Variants in ZNF536 observed in about 807,000 individuals in gnomAD.
ZNF536 encodes zinc finger protein 536.
Under a neutral mutation model 84.5 loss-of-function variants are expected in ZNF536, and 13 were observed. That is an observed-to-expected ratio of 0.15 (90% CI 0.10 to 0.24). ZNF536 has a LOEUF of 0.24. Ranked by LOEUF, ZNF536 falls within the 10% of genes least tolerant of loss-of-function variation. The probability of loss-of-function intolerance (pLI) is 1.00; values close to 1 mark genes in which losing one functional copy is unlikely to be tolerated. For missense variants in ZNF536, 1,536 were observed against 1,747.5 expected, an observed-to-expected ratio of 0.88 and a Z score of 2.16; for synonymous variants, 811 against 742.5, an observed-to-expected ratio of 1.09 and a Z score of -1.50.
intron 1 of ZNF536, among the ~76,000 whole-genome samples, chr19:30,654,516 G>A (rs189246542): frequency 3.3e-5 from 5 of 152,112 alleles, no homozygotes; most frequent in African/African-American, 7.2e-5. Context: ...TTCCTAAAGC[G>A]AAAGAACTGT....
At chr19:30,381,272 C>T (rs1324527035) in intron 1 of ZNF536, among the ~76,000 whole-genome samples, 2 of 152,216 alleles carry the variant, frequency 1.3e-5, no homozygotes, top group Non-Finnish European at 2.9e-5. Flanking sequence ...TCCTATGTGC[C>T]AGGCACTGTG....
chr19:30,575,231 C>A (rs62103416), intron 1 of ZNF536, among the ~76,000 whole-genome samples: 2,159 of 152,344 alleles, frequency 0.014, 24 homozygotes, highest in Middle Eastern at 0.024. Context: ...TGCACAAAAA[C>A]AGCCAGAAGC....
chr19:30,575,978 G>A (rs1025831597), intron 1 of ZNF536, among the ~76,000 whole-genome samples: 4 of 152,160 alleles, frequency 2.6e-5, no homozygotes, highest in Admixed American at 2.0e-4. Flanking sequence ...TGGGGTGTGC[G>A]CCCCATGCAG....
chr19:30,428,055 G>C (rs2051290752), intron 1 of ZNF536, among the ~76,000 whole-genome samples: 1 of 152,172 alleles, frequency 6.6e-6, no homozygotes, highest in Admixed American at 6.5e-5. Flanking sequence ...GTTTCTAATG[G>C]GGGTGTTTGA....
chr19:30,706,711 G>A (rs545260801), intron 1 of ZNF536, among the ~76,000 whole-genome samples: 4 of 152,110 alleles, frequency 2.6e-5, no homozygotes, highest in South Asian at 2.1e-4. Context: ...TTCTTTACTC[G>A]AAAGACTTGT....
chr19:30,683,158 A>T (rs1568667691), intron 1 of ZNF536, among the ~76,000 whole-genome samples: 2 of 151,588 alleles, frequency 1.3e-5, no homozygotes, highest in African/African-American at 2.4e-5. Context: ...GCGAAAGACC[A>T]CCTTTATGGC....
chr19:30,495,320 A>C (rs1429134655), intron 2 of ZNF536, among the ~76,000 whole-genome samples: 1 of 152,216 alleles, frequency 6.6e-6, no homozygotes, highest in Non-Finnish European at 1.5e-5. Context: ...GAAGAAAAGG[A>C]AGTCTTGTGT....
At chr19:30,226,818 G>C (rs1470488875), upstream of ZNF536, among the ~76,000 whole-genome samples, 1 of 152,056 alleles carries the variant, frequency 6.6e-6, no homozygotes, top group Non-Finnish European at 1.5e-5. This position sits in a 1 kb window ranked among gnomAD's most constrained non-coding sequence, Gnocchi z 4.6. Flanking sequence ...CGCGGCGTCT[G>C]GGAAGAGTGC....
At chr19:30,270,659 A>G (rs555345456) in intron 1 of ZNF536, among the ~76,000 whole-genome samples, 1 of 152,222 alleles carries the variant, frequency 6.6e-6, no homozygotes, top group African/African-American at 2.4e-5. Flanking sequence ...TGAATTATCC[A>G]TCGGTATCAT....
At chr19:30,660,047 T>C (rs1306093114) in intron 1 of ZNF536, among the ~76,000 whole-genome samples, 1 of 152,134 alleles carries the variant, frequency 6.6e-6, no homozygotes, top group African/African-American at 2.4e-5. Context: ...ATACCTCCTT[T>C]GAAAAAGCCA....
At chr19:30,575,772 C>A (rs1015079806) in intron 1 of ZNF536, among the ~76,000 whole-genome samples, 2 of 152,196 alleles carry the variant, frequency 1.3e-5, no homozygotes, top group Admixed American at 6.5e-5. Context: ...TGTGCAGTGA[C>A]ACCCAGGGAT....
chr19:30,484,586 C>T (rs1012416943), intron 2 of ZNF536, among the ~76,000 whole-genome samples: 1 of 151,828 alleles, frequency 6.6e-6, no homozygotes, highest in African/African-American at 2.4e-5. Context: ...TGTTCTTTCT[C>T]TGTGCTCTTA....
At chr19:30,383,834 CTT>C (rs2049169317) in intron 1 of ZNF536, among the ~76,000 whole-genome samples, 1 of 110,782 alleles carries the variant, frequency 9.0e-6, no homozygotes, top group Non-Finnish European at 1.8e-5. Context: ...CTTTCTCCTT[CTT>C]TCCTTCCTTC....
chr19:30,679,433 C>A (rs73540861), intron 1 of ZNF536, among the ~76,000 whole-genome samples: 9,972 of 152,184 alleles, frequency 0.066, 439 homozygotes, highest in African/African-American at 0.1. Flanking sequence ...TCAGGAAACC[C>A]TAGGGTGTGA....
At chr19:30,397,557 C>T (rs1034773324) in intron 1 of ZNF536, among the ~76,000 whole-genome samples, 1 of 152,188 alleles carries the variant, frequency 6.6e-6, no homozygotes, top group Non-Finnish European at 1.5e-5. Flanking sequence ...CTACAATTAT[C>T]TCAAGACAAA....
At chr19:30,630,852 A>C (rs1485113679) in intron 1 of ZNF536, among the ~76,000 whole-genome samples, 1 of 152,136 alleles carries the variant, frequency 6.6e-6, no homozygotes, top group Non-Finnish European at 1.5e-5. Flanking sequence ...ATTAATTTGC[A>C]CGTGAATCAC....
At chr19:30,266,238 G>C (rs573895884) in intron 1 of ZNF536, among the ~76,000 whole-genome samples, 3 of 152,048 alleles carry the variant, frequency 2.0e-5, no homozygotes, top group Admixed American at 1.3e-4. Flanking sequence ...TTTGTAGAGA[G>C]GGGGTCTCAC....
chr19:30,347,972 A>G (rs2047804574), intron 2 of ZNF536, among the ~76,000 whole-genome samples: 1 of 152,242 alleles, frequency 6.6e-6, no homozygotes, highest in South Asian at 2.1e-4. Flanking sequence ...CCACGTGGGC[A>G]TGCTGGAGAC....
chr19:30,265,125 G>A (rs4804923), intron 1 of ZNF536, among the ~76,000 whole-genome samples: 93,808 of 151,984 alleles, frequency 0.62, 31,164 homozygotes, highest in East Asian at 0.92. Context: ...TCAGGGTGCT[G>A]GCTCTTCAGT....
Sources: gnomAD v4.1 joint callset for allele counts (sites outside exome capture counted in the v4.1 genomes callset) on GRCh38, gnomAD v4.1.1 for gene constraint, Gnocchi (gnomAD v3.1) non-coding constraint, MANE v1.5 for transcripts, NCBI Gene and HGNC (gene_info 2026-07-23, HGNC 2026-07-21) for gene names.